CD70: variants seen among roughly 807,000 people sequenced by gnomAD.
The protein encoded by CD70 is CD70 molecule.
CD70 carries 6 observed loss-of-function variants against 9.0 expected under a neutral mutation model. The observed-to-expected ratio is 0.67, with a 90% CI of 0.37 to 1.32. The LOEUF (loss-of-function observed/expected upper bound fraction) is 1.32, where lower values mean the gene tolerates loss of function less well. Ranked by LOEUF, CD70 falls within the 40% of genes most tolerant of loss-of-function variation. CD70 has a pLI of 0.02. For synonymous variants in CD70, 108 were observed against 112.3 expected (o/e 0.96, Z 0.24); for missense variants, 235 against 258.7 (o/e 0.91, Z 0.63).
rs1916146255 is a variant in CD70 at position 6,590,972 on chromosome 19, G to T, written c.31C>A (p.Arg11=). 2.6e-5 allele frequency: 42 copies of T among 1,611,848 alleles called. No homozygotes were observed. The highest frequency in any genetic ancestry group is 3.4e-5 in the Non-Finnish European group (40 of 1,178,726). ...AGGACGCACCCATAGGGCCTGCGCC[G>T]CACCGAGCAGCCCGAACCCTCCTCC... MPEEGSGCSV[R]RRPYGCVLRA... Residue 11 remains arginine (R), a synonymous_variant, in exon 1 of 3, where the codon CGG becomes AGG. Transcript: ENST00000245903. The surrounding 1 kb of genome is among the most constrained non-coding windows in gnomAD (Gnocchi z 5.3).
At chr19:6,586,501 TAG>T in intron 2 of CD70, 96 bp from the exon 3 acceptor site, 1 of 1,327,206 alleles carries the variant, frequency 7.5e-7, no homozygotes, top group Non-Finnish European at 1.0e-6. Context: ...GATCGAGAGT[TAG>T]AGATCAAGGA....
chr19:6,589,172 T>C (rs1296276717), intron 2 of CD70, among the ~76,000 whole-genome samples: 6 of 148,628 alleles, frequency 4.0e-5, no homozygotes, highest in Middle Eastern at 3.4e-3. Context: ...TCCCCCGCCC[T>C]GTTTTTCTTC....
intron 2 of CD70, among the ~76,000 whole-genome samples, chr19:6,589,301 TTC>T (rs552485597): frequency 7.3e-5 from 11 of 151,404 alleles, no homozygotes; most frequent in African/African-American, 2.2e-4. Flanking sequence ...TCTTTTTCCT[TTC>T]TCTCTCTCTC....
downstream of CD70, among the ~76,000 whole-genome samples, chr19:6,584,342 A>G (rs532726601): frequency 1.3e-4 from 20 of 150,374 alleles, no homozygotes; most frequent in Non-Finnish European, 1.6e-4. Context: ...GCCCGTCTCT[A>G]CTAATAATAG....
At position 6,586,253 on chromosome 19, in the gene CD70, A is replaced by G. The variant is rs1252546465; in HGVS notation, c.349T>C (p.Ser117Pro). ...GGGTGGTGCCTGGAGGCCGTCGTGG[A>G]GGAGCAGATGGCCAGCGTCACCTGG... ...HIQVTLAICS[S>P]TTASRHHPTT... The change falls in exon 3 of 3, where the codon TCC becomes CCC. Residue 117 changes from serine to proline, a missense_variant. Ser to Pro is a moderately conservative substitution (Grantham distance 74). Transcript: ENST00000245903. The G allele has an allele frequency of 6.2e-7, 1 of 1,613,864 alleles. No individual in the cohort carries two copies. The highest frequency in any genetic ancestry group is 1.3e-5 in the African/African-American group (1 of 74,890).
chr19:6,585,769 G>C, downstream of CD70: 1 of 394,660 alleles, frequency 2.5e-6, no homozygotes, highest in Non-Finnish European at 4.6e-6. Flanking sequence ...CCACCTCCTC[G>C]GTTCAAGCGA....
chr19:6,590,059 C>G lies in CD70; in HGVS notation c.196+44G>C. 1 of 1,554,590 alleles carries G rather than the reference C, an allele frequency of 6.4e-7. No individual in the cohort carries two copies. Among genetic ancestry groups the G allele is most frequent in the Non-Finnish European group, 8.9e-7 (1 of 1,129,064 alleles). The stretch of plus-strand genomic sequence containing the variant: ...TTTCTACCTCTCCTTCCTTCTCTCT[C>G]TGTGCCTCTTCTTCTCCCCGTCCCT... On this transcript the variant is annotated intron_variant, in intron 2 of 2. Transcript: ENST00000245903. The surrounding 1 kb of genome is among the most constrained non-coding windows in gnomAD (Gnocchi z 5.3).
At chr19:6,584,602 G>T (rs1401701278), downstream of CD70, among the ~76,000 whole-genome samples, 1 of 149,856 alleles carries the variant, frequency 6.7e-6, no homozygotes, top group Non-Finnish European at 1.5e-5. Context: ...GCTCATGCCT[G>T]TAATCCCAGC....
chr19:6,588,343 G>A (rs1010803714), intron 2 of CD70, among the ~76,000 whole-genome samples: 1 of 152,118 alleles, frequency 6.6e-6, no homozygotes, highest in Non-Finnish European at 1.5e-5. Context: ...TCTCCAGAAA[G>A]GGGCCTCAAG....
intron 2 of CD70, among the ~76,000 whole-genome samples, chr19:6,589,282 TTTC>T (rs1916096484): frequency 6.6e-6 from 1 of 151,830 alleles, no homozygotes; most frequent in Admixed American, 6.6e-5. Flanking sequence ...TTTTTTTCTC[TTTC>T]TTCTTTCTTT....
rs369190575 is a variant in CD70, at chr19:6,590,960, A to G, written c.43T>C (p.Tyr15His). 1.2e-6 allele frequency: 2 copies of G among 1,613,572 alleles called. No homozygotes were observed. Among genetic ancestry groups the G allele is most frequent in the African/African-American group, 2.7e-5 (2 of 74,898 alleles). ...GSGCSVRRRPYGCVLRAALVP... is the reference protein window; with the variant it reads ...GSGCSVRRRPHGCVLRAALVP... ...AAAGCAGCCCGCAGGACGCACCCAT[A>G]GGGCCTGCGCCGCACCGAGCAGCCC... is the stretch of plus-strand genomic sequence containing the variant. Residue 15 changes from tyrosine (Y) to histidine (H), a missense_variant, in exon 1 of 3, where the codon TAT (tyrosine) becomes CAT (histidine). By Grantham distance (83) the Tyr-to-His change is moderately conservative. Transcript: ENST00000245903. The surrounding 1 kb of genome is among the most constrained non-coding windows in gnomAD (Gnocchi z 5.3).
At position 6,590,124 on chromosome 19, in the gene CD70, C is replaced by T; in HGVS notation, c.175G>A (p.Glu59Lys). 1 of 1,613,824 alleles carries T rather than the reference C, an allele frequency of 6.2e-7. No individual in the cohort carries two copies. The highest frequency in any genetic ancestry group is 1.3e-5 in the African/African-American group (1 of 75,008). Residue 59 changes from glutamate to lysine, a missense_variant, in exon 2 of 3, where the codon GAG becomes AAG. Coordinates refer to ENST00000245903, the MANE Select transcript of CD70 (RefSeq NM_001252.5). This position sits in a 1 kb window ranked among gnomAD's most constrained non-coding sequence, Gnocchi z 5.3. ...TTACCTGTGTGATTCAGCTGCAGCT[C>T]AGCTACGTCCCACTGGAAGAAAAGA... ...PLESLGWDVAELQLNHTGPQQ... is the reference protein window; with the variant it reads ...PLESLGWDVAKLQLNHTGPQQ...
downstream of CD70, chr19:6,583,527 T>C (rs1915957556): frequency 3.7e-6 from 2 of 544,670 alleles, no homozygotes; most frequent in Non-Finnish European, 3.3e-6. Flanking sequence ...ATCTCTGACC[T>C]GAACTAACTT....
intron 2 of CD70, among the ~76,000 whole-genome samples, chr19:6,588,486 G>A (rs990194037): frequency 6.6e-6 from 1 of 152,244 alleles, no homozygotes; most frequent in African/African-American, 2.4e-5. Flanking sequence ...ACACGCAAGC[G>A]TGCAGTAATT....
At chr19:6,587,690 C>T (rs1916058977) in intron 2 of CD70, among the ~76,000 whole-genome samples, 1 of 152,052 alleles carries the variant, frequency 6.6e-6, no homozygotes, top group Non-Finnish European at 1.5e-5. Context: ...CCTACCTTCC[C>T]GTTGGCCCTC....
intron 2 of CD70, among the ~76,000 whole-genome samples, chr19:6,589,292 C>G (rs1916096932): frequency 6.7e-6 from 1 of 149,310 alleles, no homozygotes; most frequent in Non-Finnish European, 1.5e-5. Flanking sequence ...TTTCTTCTTT[C>G]TTTTTCCTTT....
At chr19:6,588,794 T>C (rs1324343463) in intron 2 of CD70, among the ~76,000 whole-genome samples, 1 of 152,184 alleles carries the variant, frequency 6.6e-6, no homozygotes, top group African/African-American at 2.4e-5. Context: ...GTTTTTCACA[T>C]GTTCGTTTTT....
chr19:6,582,505 C>G (rs542203718), downstream of CD70, among the ~76,000 whole-genome samples: 78 of 151,522 alleles, frequency 5.1e-4, 1 homozygote, highest in Middle Eastern at 3.4e-3. Context: ...TCCCTCCCCC[C>G]CTCCCCCGAC....
At chr19:6,588,455 T>C (rs1452914784) in intron 2 of CD70, among the ~76,000 whole-genome samples, 1 of 152,140 alleles carries the variant, frequency 6.6e-6, no homozygotes, top group African/African-American at 2.4e-5. Context: ...GTCCCTTCCA[T>C]TACAAAATGG....
Sources: allele counts gnomAD v4.1 joint callset (sites outside exome capture counted in the v4.1 genomes callset), GRCh38; gene constraint gnomAD v4.1.1; non-coding constraint Gnocchi (gnomAD v3.1); transcripts MANE v1.5; gene names NCBI Gene and HGNC (gene_info 2026-07-23, HGNC 2026-07-21).